Variants in PTH2R observed in about 807,000 individuals in gnomAD.
PTH2R encodes the protein parathyroid hormone 2 receptor.
A neutral mutation model predicts 60.3 loss-of-function variants in PTH2R; 59 were observed. The observed-to-expected ratio is 0.98, with a 90% CI of 0.79 to 1.22. PTH2R has a LOEUF of 1.22. Among genes scored for constraint, PTH2R ranks in the 50% most tolerant of loss-of-function variants. The probability of loss-of-function intolerance (pLI) is 0.00; values close to 1 mark genes in which losing one functional copy is unlikely to be tolerated. For missense variants in PTH2R, 749 were observed against 682.6 expected (o/e 1.10, Z -1.08); for synonymous variants, 256 against 243.8 (o/e 1.05, Z -0.47).
intron 8 of PTH2R, among the ~76,000 whole-genome samples, chr2:208,455,745 T>C (rs1386522385): frequency 6.6e-6 from 1 of 152,186 alleles, no homozygotes; most frequent in African/African-American, 2.4e-5. Context: ...ATTTTAAATA[T>C]CTTCAAAGGA....
chr2:208,483,431 G>A (rs894551716), intron 10 of PTH2R, among the ~76,000 whole-genome samples: 5 of 152,172 alleles, frequency 3.3e-5, no homozygotes, highest in African/African-American at 1.2e-4. Flanking sequence ...GAACAAAGCT[G>A]CTTATTTCTT....
At position 208,415,104 on chromosome 2, in the gene PTH2R, A is replaced by C. The variant is rs370896645; in HGVS notation, c.75+7986A>C. On this transcript the variant is annotated intron_variant, in intron 1 of 12. Transcript: ENST00000272847. ...AGGTAAAAACTAAGAAAATCTGAAT[A>C]AAGTATCAGCTTAGTGAATAACAAT... Among the ~76,000 whole-genome samples the C allele has an allele frequency of 1.1e-3, 169 of 152,328 alleles. 3 individuals are homozygous for C. In the South Asian group the frequency reaches 0.034, roughly 30 times the overall value.
rs755973499 is a variant in PTH2R, at chr2:208,428,338, C to A, written c.178+35C>A. 5 of 1,430,140 alleles carry A rather than the reference C, an allele frequency of 3.5e-6. No homozygotes were observed. The African/African-American group carries it at 4.2e-5, about 12-fold the overall frequency. The allele number at this position is 1,430,140 out of a possible 1,614,324, so 88.6% of individuals were successfully genotyped here. A position where few individuals can be genotyped will look rare whatever the true frequency, so the allele number is the denominator to read the frequency against. ...CCAAGAAAATTGGCTCTCCTTGTGCCTCCTATCTGTTCTTATAAAGATTGC... is the reference window on the plus strand; with the variant it reads ...CCAAGAAAATTGGCTCTCCTTGTGCATCCTATCTGTTCTTATAAAGATTGC... On this transcript the variant is annotated intron_variant, in intron 2 of 12. Transcript: ENST00000272847.
At chr2:208,443,249 G>T (rs1574877573) in intron 5 of PTH2R, 99 bp from the exon 6 acceptor site, 9 of 1,031,806 alleles carry the variant, frequency 8.7e-6, no homozygotes, top group Non-Finnish European at 1.2e-5. Context: ...GTCCCTGCTG[G>T]AGGGGAGCAG....
chr2:208,400,867 T>G (rs984689805), intron 1 of PTH2R, among the ~76,000 whole-genome samples: 1 of 152,212 alleles, frequency 6.6e-6, no homozygotes, highest in Non-Finnish European at 1.5e-5. Flanking sequence ...CAGATGTATA[T>G]GTATCTCTTG....
chr2:208,422,108 A>C (rs1156532481), intron 1 of PTH2R, among the ~76,000 whole-genome samples: 1 of 152,226 alleles, frequency 6.6e-6, no homozygotes, highest in Non-Finnish European at 1.5e-5. Flanking sequence ...CTGATGGCAT[A>C]AATCTCATTT....
At chr2:208,369,167 C>T (rs1700647006) in intron 1 of PTH2R, among the ~76,000 whole-genome samples, 1 of 151,968 alleles carries the variant, frequency 6.6e-6, no homozygotes, top group African/African-American at 2.4e-5. Flanking sequence ...CTATAGTAAC[C>T]AAGGCTAAAT....
At chr2:208,473,150 A>G (rs978850415) in intron 9 of PTH2R, among the ~76,000 whole-genome samples, 1 of 152,110 alleles carries the variant, frequency 6.6e-6, no homozygotes, top group Non-Finnish European at 1.5e-5. Flanking sequence ...AGAAAGTTTT[A>G]TTTTGGTCCT....
intron 2 of PTH2R, among the ~76,000 whole-genome samples, chr2:208,432,108 T>G (rs907641233): frequency 6.6e-6 from 1 of 152,226 alleles, no homozygotes; most frequent in African/African-American, 2.4e-5. Context: ...TGAAAAAATT[T>G]GAAAGCATTA....
intron 1 of PTH2R, among the ~76,000 whole-genome samples, chr2:208,420,174 T>C (rs984932659): frequency 1.3e-5 from 2 of 151,988 alleles, no homozygotes; most frequent in East Asian, 1.9e-4. Context: ...TTAGGAGATA[T>C]ACTTAATGCT....
chr2:208,381,923 G>A (rs1700922016), intron 1 of PTH2R, among the ~76,000 whole-genome samples: 1 of 152,096 alleles, frequency 6.6e-6, no homozygotes, highest in Non-Finnish European at 1.5e-5. Flanking sequence ...CCCTGGGTAG[G>A]AATTTGTTAG....
intron 2 of PTH2R, among the ~76,000 whole-genome samples, chr2:208,435,612 C>G (rs1156391976): frequency 6.6e-6 from 1 of 152,156 alleles, no homozygotes; most frequent in African/African-American, 2.4e-5. Context: ...GGGAACAGCT[C>G]TCAGCTGACA....
At chr2:208,490,879 A>G (rs1703389499) in intron 12 of PTH2R, among the ~76,000 whole-genome samples, 199 bp downstream of exon 12, 1 of 152,230 alleles carries the variant, frequency 6.6e-6, no homozygotes, top group Non-Finnish European at 1.5e-5. Context: ...AGCACTTTTA[A>G]ATGTGAACTC....
At chr2:208,443,245 G>A (rs1702222189) in intron 5 of PTH2R, 103 bp from the exon 6 acceptor site, 3 of 1,005,014 alleles carry the variant, frequency 3.0e-6, no homozygotes, top group Admixed American at 3.0e-5. Flanking sequence ...ACCAGTCCCT[G>A]CTGGAGGGGA....
intron 1 of PTH2R, among the ~76,000 whole-genome samples, chr2:208,368,752 T>C (rs909729561): frequency 3.3e-5 from 5 of 152,208 alleles, no homozygotes; most frequent in Non-Finnish European, 5.9e-5. Context: ...ACAAAGTCAC[T>C]CTGTCTCCTC....
At chr2:208,447,887 T>A (rs949358561) in intron 7 of PTH2R, among the ~76,000 whole-genome samples, 2 of 152,148 alleles carry the variant, frequency 1.3e-5, no homozygotes, top group African/African-American at 4.8e-5. Context: ...AGTTCCATTT[T>A]ATTTCAACTA....
At position 208,407,053 on chromosome 2, in the gene PTH2R, C is replaced by G; in HGVS notation, c.10C>G (p.Leu4Val). The G allele has an allele frequency of 7.2e-7, 1 of 1,393,878 alleles. No homozygotes were observed. The highest frequency in any genetic ancestry group is 9.4e-7 in the Non-Finnish European group (1 of 1,067,406). The allele number at this position is 1,393,878 out of a possible 1,614,324, so 86.3% of individuals were successfully genotyped here. ...TACAGCCGTTCCGGGCATGGCCGGG[C>G]TGGGGGCGTCGCTCCACGTCTGGGG... The part of the protein sequence containing the change: MAG[L>V]GASLHVWGWL... Residue 4 changes from leucine to valine, a missense_variant, in exon 1 of 13, where the codon CTG (leucine) becomes GTG (valine). By Grantham distance (32) the Leu-to-Val change is conservative. Coordinates refer to ENST00000272847, the MANE Select transcript of PTH2R (RefSeq NM_005048.4).
At chr2:208,368,370 T>C (rs13400356) in intron 1 of PTH2R, among the ~76,000 whole-genome samples, 19,161 of 152,244 alleles carry the variant, frequency 0.13, 1,362 homozygotes, top group African/African-American at 0.19. Flanking sequence ...TCCATGCTTA[T>C]ATGCAATAGA....
intron 10 of PTH2R, among the ~76,000 whole-genome samples, chr2:208,488,245 A>G (rs1703319045): frequency 6.6e-6 from 1 of 152,240 alleles, no homozygotes; most frequent in African/African-American, 2.4e-5. Context: ...ATATTCAGAG[A>G]AGTCAAGATG....
Sources: allele counts gnomAD v4.1 joint callset (sites outside exome capture counted in the v4.1 genomes callset), GRCh38; gene constraint gnomAD v4.1.1; transcripts MANE v1.5; gene names NCBI Gene and HGNC (gene_info 2026-07-23, HGNC 2026-07-21).